FBN3: variants seen among roughly 807,000 people sequenced by gnomAD.
FBN3 encodes the protein fibrillin-3.
FBN3 carries 234 observed loss-of-function variants against 330.1 expected under a neutral mutation model. That is an observed-to-expected ratio of 0.71 (90% CI 0.64 to 0.79). The LOEUF (loss-of-function observed/expected upper bound fraction) is 0.79. Among genes scored for constraint, FBN3 ranks in the 30% least tolerant of loss-of-function variants. FBN3 has a pLI of 0.00. For missense variants in FBN3, 3,606 were observed against 3,886.9 expected (o/e 0.93, Z 1.92); for synonymous variants, 1,458 against 1,517.3 (o/e 0.96, Z 0.91).
intron 25 of FBN3, among the ~76,000 whole-genome samples, chr19:8,120,139 T>C (rs2082808580): frequency 1.3e-5 from 2 of 150,638 alleles, no homozygotes; most frequent in African/African-American, 2.4e-5. Flanking sequence ...ATTTTTTTCT[T>C]TTCTTTTCTT....
chr19:8,103,797 G>A, intron 38 of FBN3, 110 bp from the exon 39 acceptor site: 3 of 1,088,420 alleles, frequency 2.8e-6, no homozygotes, highest in Non-Finnish European at 2.6e-6. Context: ...CCTAAGTTTG[G>A]TTTCAAAATC....
intron 59 of FBN3, among the ~76,000 whole-genome samples, chr19:8,078,654 A>G (rs1196352117): frequency 1.3e-5 from 2 of 151,840 alleles, no homozygotes. Flanking sequence ...AGCTGAAGCA[A>G]TCCTCCTGCC....
In FBN3 at chr19:8,117,222, C is replaced by T. The variant is rs149604266; in HGVS notation, c.3533G>A (p.Arg1178Gln). 1.5e-4 allele frequency: 245 copies of T among 1,613,684 alleles called. No individual in the cohort carries two copies. The African/African-American group carries it at 2.5e-3, about 16-fold the overall frequency. Residue 1178 changes from arginine (R) to glutamine (Q), a missense_variant, in exon 28 of 64, where the codon CGG becomes CAG. Coordinates refer to ENST00000600128, the MANE Select transcript of FBN3 (RefSeq NM_032447.5). ...CGAGTAGCCCTGCCCACAGCTGCAC[C>T]GGTAGCTGCCCTCAGTGTTAATACA... ...VHCINTEGSY[R>Q]CSCGQGYSLM...
intron 36 of FBN3, among the ~76,000 whole-genome samples, chr19:8,108,497 C>T (rs1438596441): frequency 1.3e-5 from 2 of 152,030 alleles, no homozygotes; most frequent in African/African-American, 2.4e-5. Flanking sequence ...AACATGTGAG[C>T]AGAGTTATGT....
intron 56 of FBN3, 143 bp from the exon 57 acceptor site, chr19:8,083,515 C>A: frequency 1.1e-6 from 1 of 944,306 alleles, no homozygotes; most frequent in Non-Finnish European, 1.6e-6. Flanking sequence ...CCCCAGCCCA[C>A]GTGGACCCCA....
intron 12 of FBN3, 48 bp downstream of exon 12, chr19:8,136,142 C>A: frequency 6.2e-7 from 1 of 1,612,284 alleles, no homozygotes; most frequent in Non-Finnish European, 8.5e-7. Flanking sequence ...CAAGCCTGGG[C>A]CAGAACCCCC....
At position 8,141,702 on chromosome 19, in the gene FBN3, C is replaced by A; in HGVS notation, c.865+15G>T. On this transcript the variant is annotated intron_variant, in intron 8 of 63. Transcript: ENST00000600128. Reference sequence around the variant, plus strand: ...CACAGAGGAGGTCTCAGGTTGTCCCCCTCCAGTCACCCACCTTCACATGCG... The same window carrying A: ...CACAGAGGAGGTCTCAGGTTGTCCCACTCCAGTCACCCACCTTCACATGCG... 1.2e-6 allele frequency: 2 copies of A among 1,607,736 alleles called. No homozygotes were observed. Among genetic ancestry groups the A allele is most frequent in the Non-Finnish European group, 1.7e-6 (2 of 1,176,250 alleles).
At chr19:8,067,557 G>A (rs539898914) in intron 63 of FBN3, among the ~76,000 whole-genome samples, 1 of 152,006 alleles carries the variant, frequency 6.6e-6, no homozygotes, top group East Asian at 2.0e-4. Flanking sequence ...GGTCCCAGGA[G>A]TTCGAAGCAG....
At chr19:8,143,780 A>ATGCAGG (rs369408354) in intron 6 of FBN3, among the ~76,000 whole-genome samples, 46,092 of 148,926 alleles carry the variant, frequency 0.31, 7,824 homozygotes, top group South Asian at 0.49. Flanking sequence ...GGCATGAGCC[A>ATGCAGG]CAGTGCCTGG....
chr19:8,091,990 G>A (rs529939455), intron 47 of FBN3, among the ~76,000 whole-genome samples: 2 of 151,888 alleles, frequency 1.3e-5, no homozygotes, highest in African/African-American at 2.4e-5. Flanking sequence ...GACTATCCTG[G>A]CTAACATGGT....
chr19:8,123,513 G>T lies in FBN3; in HGVS notation c.3033C>A (p.Cys1011Ter), dbSNP rs145240162. ...CCAGGGCGAAGCCCCCCGCACAGGC[G>T]CAGTGGAAGCTGCCCACCGTGTTTC... ...TCRNTVGSFH[C>*]ACAGGFALDA... Residue 1011 changes from cysteine (C) to a stop codon, truncating the protein, a stop_gained, in exon 24 of 64, where the codon TGC (cysteine) becomes TGA (stop). Transcript: ENST00000600128. LOFTEE classifies it high-confidence loss of function. 6.2e-7 allele frequency: 1 copy of T among 1,614,140 alleles called. No individual in the cohort carries two copies. Among genetic ancestry groups the T allele is most frequent in the Non-Finnish European group, 8.5e-7 (1 of 1,180,006 alleles).
In FBN3 at chr19:8,075,381, G is replaced by A; in HGVS notation, c.7484C>T (p.Pro2495Leu). Residue 2495 changes from proline to leucine, a missense_variant, in exon 60 of 64, where the codon CCA becomes CTA. Pro to Leu is a moderately conservative substitution (Grantham distance 98). Transcript: ENST00000600128. ...GTGGCAGTGCCCGTGGGCACCACAT[G>A]GGCCAGGCTGGGCTGAGCACTCATC... ...DNDECSAQPG[P>L]CGAHGHCHNT... 1 of 1,614,018 alleles carries A rather than the reference G, an allele frequency of 6.2e-7. No individual in the cohort carries two copies. The highest frequency in any genetic ancestry group is 1.1e-5 in the South Asian group (1 of 91,074).
At chr19:8,067,454 C>T (rs557923866) in intron 63 of FBN3, among the ~76,000 whole-genome samples, 1 of 152,260 alleles carries the variant, frequency 6.6e-6, no homozygotes, top group African/African-American at 2.4e-5. Context: ...TCAGCATGGG[C>T]AACATAGTGA....
intron 30 of FBN3, among the ~76,000 whole-genome samples, chr19:8,113,023 T>C (rs2082625506): frequency 6.6e-6 from 1 of 152,198 alleles, no homozygotes; most frequent in African/African-American, 2.4e-5. Flanking sequence ...ACCCTGAAAC[T>C]GGTGAATGTG....
At chr19:8,138,023 T>C in intron 10 of FBN3, 118 bp downstream of exon 10, 1 of 1,209,542 alleles carries the variant, frequency 8.3e-7, no homozygotes, top group South Asian at 1.6e-5. Flanking sequence ...GAGTTCCCCC[T>C]CCAAAGCCCT....
chr19:8,118,918 C>T lies in FBN3; in HGVS notation c.3316G>A (p.Ala1106Thr), dbSNP rs755591413. 5 of 1,612,690 alleles carry T rather than the reference C, an allele frequency of 3.1e-6. No homozygotes were observed. The highest frequency in any genetic ancestry group is 4.2e-6 in the Non-Finnish European group (5 of 1,178,738). ...CQCPPGHELT[A>T]KGTACEDIDE... Reference sequence around the variant, plus strand: ...TTACCCTCACAGGCAGTGCCCTTGGCCGTCAGCTCATGCCCAGGGGGACAC... The same window carrying T: ...TTACCCTCACAGGCAGTGCCCTTGGTCGTCAGCTCATGCCCAGGGGGACAC... The change falls in exon 26 of 64, where the codon GCC becomes ACC. Residue 1106 changes from alanine to threonine, a missense_variant. Physicochemically the swap from Ala to Thr is moderately conservative, Grantham distance 58. Transcript: ENST00000600128.
chr19:8,111,669 C>G lies in FBN3; in HGVS notation c.4063G>C (p.Gly1355Arg). The G allele has an allele frequency of 6.2e-7, 1 of 1,611,058 alleles. No homozygotes were observed. Among genetic ancestry groups the G allele is most frequent in the Non-Finnish European group, 8.5e-7 (1 of 1,178,152 alleles). ...TCACCTTCGCAGAAGAAGCCATCCCCGGCAAAGCCCTGGCGGCAGGTGCAG... is the reference window on the plus strand; with the variant it reads ...TCACCTTCGCAGAAGAAGCCATCCCGGGCAAAGCCCTGGCGGCAGGTGCAG... ...YRCTCRQGFAGDGFFCEDRDE... is the reference protein window; with the variant it reads ...YRCTCRQGFARDGFFCEDRDE... The change falls in exon 32 of 64, where the codon GGG (glycine) becomes CGG (arginine). Residue 1355 changes from glycine (G) to arginine (R), a missense_variant. Coordinates refer to ENST00000600128, the MANE Select transcript of FBN3 (RefSeq NM_032447.5).
intron 6 of FBN3, among the ~76,000 whole-genome samples, chr19:8,143,819 C>CTTTCTTTT (rs1555757013): frequency 0.021 from 2,499 of 117,526 alleles, 96 homozygotes; most frequent in African/African-American, 0.067. Flanking sequence ...TTCTTTCTTT[C>CTTTCTTTT]TTTTTTTTTT....
At chr19:8,130,842 T>A (rs2083129467) in intron 16 of FBN3, among the ~76,000 whole-genome samples, 1 of 149,368 alleles carries the variant, frequency 6.7e-6, no homozygotes, top group South Asian at 2.1e-4. Context: ...GGCAATAGAG[T>A]GAGATCTCAC....
Sources: allele counts gnomAD v4.1 joint callset (sites outside exome capture counted in the v4.1 genomes callset), GRCh38; gene constraint gnomAD v4.1.1; transcripts MANE v1.5; gene names NCBI Gene and HGNC (gene_info 2026-07-23, HGNC 2026-07-21).